Variants in ATP11B observed in about 807,000 individuals in gnomAD.
ATP11B encodes the protein ATPase phospholipid transporting 11B (putative).
A neutral mutation model predicts 157.8 loss-of-function variants in ATP11B; 81 were observed. The observed-to-expected ratio is 0.51, with a 90% CI of 0.43 to 0.62. ATP11B has a LOEUF of 0.62. Ranked by LOEUF, ATP11B falls within the 20% of genes least tolerant of loss-of-function variation. The probability of loss-of-function intolerance (pLI) is 0.00; values close to 1 mark genes in which losing one functional copy is unlikely to be tolerated. For missense variants in ATP11B, 1,165 were observed against 1,402.2 expected, an observed-to-expected ratio of 0.83 and a Z score of 2.70; for synonymous variants, 451 against 469.4, an observed-to-expected ratio of 0.96 and a Z score of 0.51.
At chr3:182,852,723 G>T (rs1439574163) in intron 10 of ATP11B, among the ~76,000 whole-genome samples, 1 of 152,188 alleles carries the variant, frequency 6.6e-6, no homozygotes, top group Non-Finnish European at 1.5e-5. Context: ...CAAAGTGTAA[G>T]ATCTAAGCAT....
Position 182,892,539 on chromosome 3 carries a change from G to A in ATP11B, c.2982+2991G>A, listed in dbSNP as rs1249442983. ...AGACTTGTAATAGTTTGGGTTTAAG[G>A]GTAGAACAATTCAGGGAAAGTTAAG... On this transcript the variant is annotated intron_variant, in intron 25 of 29. Coordinates refer to ENST00000323116, the MANE Select transcript of ATP11B (RefSeq NM_014616.3). 2.0e-5 allele frequency among the ~76,000 whole-genome samples: 3 copies of A among 152,022 alleles called. No individual in the cohort carries two copies. In the South Asian group the frequency reaches 6.2e-4, roughly 32 times the overall value.
intron 1 of ATP11B, among the ~76,000 whole-genome samples, chr3:182,806,266 A>G (rs9819180): frequency 0.52 from 79,588 of 152,022 alleles, 23,451 homozygotes; most frequent in Non-Finnish European, 0.67. Flanking sequence ...TGTTGGTAAT[A>G]TCTTTCACAT....
Position 182,857,945 on chromosome 3 carries a change from T to C in ATP11B, c.919T>C (p.Leu307=). The change falls in exon 11 of 30, where the codon TTG becomes CTG. Residue 307 remains leucine (L), a synonymous_variant. Transcript: ENST00000323116. ...LISEAVISTI[L]KYTWQAEEKW... ...ATCTGAAGCTGTCATCAGCACTATC[T>C]TGAAGTATACATGGCAAGCTGAAGA... is the stretch of plus-strand genomic sequence containing the variant. The C allele has an allele frequency of 6.2e-7, 1 of 1,604,914 alleles. No homozygotes were observed. The highest frequency in any genetic ancestry group is 8.5e-7 in the Non-Finnish European group (1 of 1,171,830).
intron 13 of ATP11B, among the ~76,000 whole-genome samples, chr3:182,866,017 C>T (rs1245136121): frequency 2.0e-5 from 3 of 152,102 alleles, no homozygotes; most frequent in Non-Finnish European, 4.4e-5. Context: ...CTTTTTGAGA[C>T]CTCACTTCTT....
chr3:182,916,772 A>G (rs1725168479), intron 29 of ATP11B: 14 of 985,244 alleles, frequency 1.4e-5, no homozygotes, highest in Non-Finnish European at 1.7e-5. Context: ...TGTGTAAGCA[A>G]TGTGGAAAGA....
At chr3:182,876,867 T>C (rs916279365) in intron 19 of ATP11B, among the ~76,000 whole-genome samples, 3 of 152,232 alleles carry the variant, frequency 2.0e-5, no homozygotes, top group African/African-American at 7.2e-5. Flanking sequence ...GCACTTTCTA[T>C]GTGAAATTTA....
chr3:182,889,496 T>C lies in ATP11B; in HGVS notation c.2930T>C (p.Phe977Ser). The change falls in exon 25 of 30, where the codon TTT (phenylalanine) becomes TCT (serine). Residue 977 changes from phenylalanine to serine, a missense_variant. Physicochemically the swap from Phe to Ser is radical, Grantham distance 155. Transcript: ENST00000323116. ...LGFSHAFIFF[F>S]GSYLLIGKDT... ...TTCAGTCATGCCTTTATTTTCTTTT[T>C]TGGATCCTATTTACTAATAGGGAAA... 2 of 1,574,098 alleles carry C rather than the reference T, an allele frequency of 1.3e-6. No homozygotes were observed. The highest frequency in any genetic ancestry group is 1.7e-6 in the Non-Finnish European group (2 of 1,167,050).
At position 182,859,203 on chromosome 3, in the gene ATP11B, C is replaced by T. The variant is rs764700980; in HGVS notation, c.1044C>T (p.Leu348=). The T allele has an allele frequency of 8.1e-6, 13 of 1,610,554 alleles. No homozygotes were observed. The highest frequency in any genetic ancestry group is 2.2e-5 in the East Asian group (1 of 44,754). ...FISDFLAFLV[L]YNFIIPISLY... Reference sequence around the variant, plus strand: ...CAGACTTCCTTGCTTTTTTGGTTCTCTACAATTTCATCATTCCAATTTCAT... The same window carrying T: ...CAGACTTCCTTGCTTTTTTGGTTCTTTACAATTTCATCATTCCAATTTCAT... The change falls in exon 12 of 30, where the codon CTC becomes CTT. Residue 348 remains leucine, a synonymous_variant. Coordinates refer to ENST00000323116, the MANE Select transcript of ATP11B (RefSeq NM_014616.3).
At chr3:182,877,149 A>G (rs1273915493) in intron 19 of ATP11B, among the ~76,000 whole-genome samples, 2 of 151,962 alleles carry the variant, frequency 1.3e-5, no homozygotes, top group African/African-American at 4.8e-5. Context: ...AAAAGTAAAT[A>G]CACTGTCATA....
chr3:182,858,079 C>T (rs781501658), intron 11 of ATP11B, 51 bp downstream of exon 11: 24 of 1,505,544 alleles, frequency 1.6e-5, no homozygotes, highest in South Asian at 2.4e-5. Flanking sequence ...TTACTTGGCA[C>T]GATTAGTGCT....
chr3:182,819,196 G>A (rs899423744), intron 1 of ATP11B, among the ~76,000 whole-genome samples: 2 of 150,984 alleles, frequency 1.3e-5, no homozygotes, highest in Admixed American at 6.6e-5. Flanking sequence ...CCTGCTCAGA[G>A]TAGCTGGGAC....
chr3:182,851,616 A>G (rs902229510), intron 10 of ATP11B, among the ~76,000 whole-genome samples: 1 of 152,232 alleles, frequency 6.6e-6, no homozygotes, highest in African/African-American at 2.4e-5. Flanking sequence ...GTAAAGATGC[A>G]TATTCTGACC....
At position 182,852,106 on chromosome 3, in the gene ATP11B, A is replaced by G. The variant is rs140374225; in HGVS notation, c.851+3549A>G. ...TGTTCTTTGACAATGAGGGAATTGG[A>G]TTAAAAATCAATAACAAAATCTGCA... On this transcript the variant is annotated intron_variant, in intron 10 of 29. Coordinates refer to ENST00000323116, the MANE Select transcript of ATP11B (RefSeq NM_014616.3). 2.0e-3 allele frequency among the ~76,000 whole-genome samples: 309 copies of G among 152,364 alleles called. 3 individuals are homozygous for G. Among genetic ancestry groups the G allele is most frequent in the Middle Eastern group, 0.01 (3 of 294 alleles).
intron 1 of ATP11B, among the ~76,000 whole-genome samples, chr3:182,818,032 T>C (rs891483979): frequency 2.6e-5 from 4 of 152,224 alleles, no homozygotes; most frequent in Non-Finnish European, 5.9e-5. Context: ...AGTAATATTT[T>C]ATCTGTTTTA....
rs1725462140 is a variant in ATP11B at position 182,921,211 on chromosome 3, G to C, written c.*3107G>C. 1 of 152,054 alleles carries C rather than the reference G, an allele frequency of 6.6e-6. No homozygotes were observed. 9.4% of individuals were successfully genotyped at this position (152,054 alleles called of 1,614,324 possible). A position where few individuals can be genotyped will look rare whatever the true frequency, so the allele number is the denominator to read the frequency against. On this transcript the variant is annotated 3_prime_UTR_variant, in exon 30 of 30. Coordinates refer to ENST00000323116, the MANE Select transcript of ATP11B (RefSeq NM_014616.3). Reference sequence around the variant, plus strand: ...ATCAGTTTGGGGTATGATATAAGCAGGTATTAATAAAAATAACACACCAAA... The same window carrying C: ...ATCAGTTTGGGGTATGATATAAGCACGTATTAATAAAAATAACACACCAAA...
chr3:182,842,368 A>G (rs1488284951), intron 8 of ATP11B, among the ~76,000 whole-genome samples: 1 of 152,152 alleles, frequency 6.6e-6, no homozygotes, highest in Non-Finnish European at 1.5e-5. Context: ...TTGGTTTATC[A>G]TATCCTTTAT....
At chr3:182,826,322 T>C (rs1717718878) in intron 2 of ATP11B, among the ~76,000 whole-genome samples, 1 of 152,226 alleles carries the variant, frequency 6.6e-6, no homozygotes, top group Non-Finnish European at 1.5e-5. Context: ...ATTACTTTAC[T>C]GCCAATTTAT....
intron 1 of ATP11B, among the ~76,000 whole-genome samples, chr3:182,802,456 C>T (rs536492212): frequency 1.3e-5 from 2 of 152,258 alleles, no homozygotes; most frequent in South Asian, 4.1e-4. Context: ...ATCCATTTCT[C>T]ATCCTCCATC....
intron 9 of ATP11B, among the ~76,000 whole-genome samples, chr3:182,847,526 G>A (rs1186283089): frequency 2.0e-5 from 3 of 152,096 alleles, no homozygotes; most frequent in African/African-American, 4.8e-5. Flanking sequence ...ATTTTACCAC[G>A]TTTCTATAAT....
Sources: gnomAD v4.1 joint callset for allele counts (sites outside exome capture counted in the v4.1 genomes callset) on GRCh38, gnomAD v4.1.1 for gene constraint, MANE v1.5 for transcripts, NCBI Gene and HGNC (gene_info 2026-07-23, HGNC 2026-07-21) for gene names.